Variants in ATG10 observed in about 807,000 individuals in gnomAD.
ATG10 encodes the protein autophagy related 10.
In ATG10, 30 loss-of-function variants were observed where a neutral mutation model predicts 32.1. The ratio of observed to expected loss-of-function variants is 0.94; its 90% CI spans 0.70 to 1.27. The LOEUF (loss-of-function observed/expected upper bound fraction) is 1.27, where lower values mean the gene tolerates loss of function less well. ATG10 is among the 50% of genes most tolerant of loss of function. The pLI, the probability that ATG10 is intolerant of heterozygous loss-of-function variation, is 0.00. For synonymous variants in ATG10, 87 were observed against 91.5 expected (o/e 0.95, Z 0.28); for missense variants, 233 against 262.3 (o/e 0.89, Z 0.77).
At chr5:81,993,364 T>TTTCTTTCTTTCCTTCCTTC (rs374179266) in intron 2 of ATG10, among the ~76,000 whole-genome samples, 1 of 34,144 alleles carries the variant, frequency 2.9e-5, no homozygotes, top group Non-Finnish European at 6.1e-5. Context: ...TCTTTCCTTC[T>TTTCTTTCTTTCCTTCCTTC]TTTCTTTTCT....
chr5:82,082,713 T>C (rs1764526251), intron 3 of ATG10, among the ~76,000 whole-genome samples: 1 of 152,176 alleles, frequency 6.6e-6, no homozygotes, highest in South Asian at 2.1e-4. Flanking sequence ...TCATTCACTT[T>C]CATGAAATAG....
At chr5:82,218,489 G>A (rs1334922482) in intron 5 of ATG10, among the ~76,000 whole-genome samples, 2 of 152,124 alleles carry the variant, frequency 1.3e-5, no homozygotes, top group Non-Finnish European at 2.9e-5. Context: ...AGCCAGGCGG[G>A]AGTGGTGGAG....
intron 5 of ATG10, among the ~76,000 whole-genome samples, chr5:82,235,251 G>A (rs1233536039): frequency 6.6e-6 from 1 of 152,140 alleles, no homozygotes; most frequent in Non-Finnish European, 1.5e-5. Flanking sequence ...TCAATCTTTA[G>A]TGAGCATGAG....
At chr5:81,972,577 C>T (rs1760754610) in intron 1 of ATG10, 1 of 152,206 alleles carries the variant, frequency 6.6e-6, no homozygotes, top group Admixed American at 6.5e-5. Context: ...GCCCAGTACC[C>T]AAAGCACCCT....
chr5:81,972,442 C>G (rs1368680548), intron 1 of ATG10, 136 bp downstream of exon 1: 1 of 152,292 alleles, frequency 6.6e-6, no homozygotes, highest in Non-Finnish European at 1.5e-5. Flanking sequence ...AACAAAAGGC[C>G]GGGGAAGCGG....
chr5:82,104,038 G>A (rs1464271198), intron 3 of ATG10, among the ~76,000 whole-genome samples: 1 of 151,920 alleles, frequency 6.6e-6, no homozygotes, highest in Middle Eastern at 3.2e-3. Context: ...TCTGCTTGTT[G>A]TATCTAGTTC....
intron 3 of ATG10, among the ~76,000 whole-genome samples, chr5:82,106,640 C>T (rs1052434916): frequency 6.6e-6 from 1 of 152,006 alleles, no homozygotes; most frequent in African/African-American, 2.4e-5. Flanking sequence ...TCTTTAACAG[C>T]CTCTGCTGGT....
intron 5 of ATG10, among the ~76,000 whole-genome samples, chr5:82,197,514 A>ATCTG (rs1486996462): frequency 2.0e-5 from 3 of 151,520 alleles, no homozygotes; most frequent in Admixed American, 6.6e-5. Flanking sequence ...CTATCTACCT[A>ATCTG]TCTGTCTGTC....
chr5:82,240,164 G>A (rs1746728076), intron 5 of ATG10, among the ~76,000 whole-genome samples: 1 of 152,152 alleles, frequency 6.6e-6, no homozygotes, highest in South Asian at 2.1e-4. Context: ...CAATTCTATT[G>A]CTGGGTATAT....
intron 3 of ATG10, among the ~76,000 whole-genome samples, chr5:82,156,517 C>G (rs958695948): frequency 1.3e-5 from 2 of 152,112 alleles, no homozygotes; most frequent in Non-Finnish European, 2.9e-5. Context: ...TGCCCTGGCT[C>G]AGTTTCTTAC....
chr5:82,197,258 C>T (rs1744890517), intron 5 of ATG10, among the ~76,000 whole-genome samples: 1 of 152,010 alleles, frequency 6.6e-6, no homozygotes, highest in African/African-American at 2.4e-5. Flanking sequence ...TGTAACCTTG[C>T]TGAACTCTTT....
chr5:82,022,610 A>G (rs1044767911), intron 2 of ATG10, among the ~76,000 whole-genome samples: 1 of 148,346 alleles, frequency 6.7e-6, no homozygotes, highest in East Asian at 2.0e-4. Context: ...GGTGTGAATC[A>G]CCATGCCCAG....
chr5:81,980,094 T>A (rs1317981974), intron 1 of ATG10, among the ~76,000 whole-genome samples: 1 of 152,164 alleles, frequency 6.6e-6, no homozygotes, highest in African/African-American at 2.4e-5. Flanking sequence ...AATGTAGAAT[T>A]TTTATCTCTA....
chr5:82,062,146 T>G (rs1226808877), intron 3 of ATG10, among the ~76,000 whole-genome samples: 1 of 152,074 alleles, frequency 6.6e-6, no homozygotes, highest in Non-Finnish European at 1.5e-5. Context: ...CTAAAAGAGT[T>G]TATTTTCTAC....
intron 1 of ATG10, among the ~76,000 whole-genome samples, chr5:81,974,978 CTACTG>C (rs1384369000): frequency 1.3e-5 from 2 of 152,140 alleles, no homozygotes; most frequent in Non-Finnish European, 2.9e-5. Context: ...TGAAATCTAA[CTACTG>C]TAGGGCCCAG....
chr5:82,133,684 G>C (rs1276847631), intron 3 of ATG10, among the ~76,000 whole-genome samples: 1 of 152,056 alleles, frequency 6.6e-6, no homozygotes, highest in East Asian at 1.9e-4. Context: ...TCTTTTTGCT[G>C]AGGATTGTCT....
chr5:82,041,363 T>C (rs942764050), intron 2 of ATG10, among the ~76,000 whole-genome samples: 2 of 152,210 alleles, frequency 1.3e-5, no homozygotes, highest in South Asian at 4.1e-4. Context: ...AAGCATTCAA[T>C]AAGTATTTTT....
chr5:82,202,766 T>TA (rs141527960), intron 5 of ATG10, among the ~76,000 whole-genome samples: 20,687 of 151,984 alleles, frequency 0.14, 2,125 homozygotes, highest in African/African-American at 0.29. Context: ...ACAAACAAAT[T>TA]AAAAAATGGT....
At chr5:82,075,507 A>G (rs928806444) in intron 3 of ATG10, among the ~76,000 whole-genome samples, 8 of 152,220 alleles carry the variant, frequency 5.3e-5, no homozygotes, top group African/African-American at 1.7e-4. Context: ...CTAATTTAGA[A>G]TTTGTTAATC....
Sources: gnomAD v4.1 joint callset for allele counts (sites outside exome capture counted in the v4.1 genomes callset) on GRCh38, gnomAD v4.1.1 for gene constraint, MANE v1.5 for transcripts, NCBI Gene and HGNC (gene_info 2026-07-23, HGNC 2026-07-21) for gene names.